The following MAML2 variants were observed in gnomAD, a reference collection of about 807,000 sequenced individuals.
MAML2 encodes the protein mastermind-like protein 2.
Under a neutral mutation model 96.1 loss-of-function variants are expected in MAML2, and 22 were observed. The observed-to-expected ratio is 0.23, with a 90% CI of 0.16 to 0.33. The LOEUF (loss-of-function observed/expected upper bound fraction) is 0.33, where lower values mean the gene tolerates loss of function less well. Among genes scored for constraint, MAML2 ranks in the 10% least tolerant of loss-of-function variants. MAML2 has a pLI of 1.00. For missense variants in MAML2, 1,367 were observed against 1,392.4 expected (o/e 0.98, Z 0.29); for synonymous variants, 561 against 521.3 (o/e 1.08, Z -1.04).
intron 2 of MAML2, among the ~76,000 whole-genome samples, chr11:96,020,609 G>C (rs114487000): frequency 2.6e-5 from 4 of 152,180 alleles, no homozygotes; most frequent in Admixed American, 6.5e-5. Context: ...CAGTGGATCC[G>C]CAGGCCACGT....
At chr11:96,139,145 T>C (rs145247983) in intron 1 of MAML2, among the ~76,000 whole-genome samples, 1 of 152,230 alleles carries the variant, frequency 6.6e-6, no homozygotes, top group Non-Finnish European at 1.5e-5. Context: ...GCTTTCCTAA[T>C]ACAACTTTGT....
intron 1 of MAML2, among the ~76,000 whole-genome samples, chr11:96,116,572 T>C (rs1591022523): frequency 1.3e-5 from 2 of 152,310 alleles, no homozygotes; most frequent in Admixed American, 1.3e-4. Flanking sequence ...ACTCAACTGC[T>C]AAGCTTTCTG....
chr11:96,025,175 A>C (rs2135740447), intron 2 of MAML2, among the ~76,000 whole-genome samples: 1 of 152,350 alleles, frequency 6.6e-6, no homozygotes, highest in Admixed American at 6.5e-5. Context: ...TGGATTGGAT[A>C]AAGAAAATGT....
intron 2 of MAML2, among the ~76,000 whole-genome samples, chr11:96,053,889 T>A (rs2135770484): frequency 6.6e-6 from 1 of 152,266 alleles, no homozygotes; most frequent in South Asian, 2.1e-4. Flanking sequence ...GTCTGCTCCT[T>A]CCCTCCTTTC....
At position 96,342,164 on chromosome 11, in the gene MAML2, G is replaced by A. The variant is rs1864006726; in HGVS notation, c.-269C>T. 3 of 486,392 alleles carry A rather than the reference G, an allele frequency of 6.2e-6. No homozygotes were observed. The allele number at this position is 486,392 out of a possible 1,614,324, so 30.1% of individuals were successfully genotyped here. ...TAACTTACTCTAATTGCATTTGACA[G>A]CTCTGGAGAAGTTGGACAGAGTTGG... On this transcript the variant is annotated 5_prime_UTR_variant, in exon 1 of 5. Coordinates refer to ENST00000524717, the MANE Select transcript of MAML2 (RefSeq NM_032427.4).
At chr11:96,277,001 G>T (rs1243608797) in intron 1 of MAML2, among the ~76,000 whole-genome samples, 2 of 152,000 alleles carry the variant, frequency 1.3e-5, no homozygotes, top group Non-Finnish European at 2.9e-5. Context: ...AGTGCGGCAG[G>T]CCTCTGTACA....
At chr11:96,252,287 A>G (rs1565263071) in intron 1 of MAML2, among the ~76,000 whole-genome samples, 1 of 152,160 alleles carries the variant, frequency 6.6e-6, no homozygotes, top group Non-Finnish European at 1.5e-5. Context: ...TTCTCTATAT[A>G]AATAACAGTG....
chr11:96,049,036 T>C (rs1457174147), intron 2 of MAML2, among the ~76,000 whole-genome samples: 1 of 152,238 alleles, frequency 6.6e-6, no homozygotes, highest in Admixed American at 6.5e-5. Flanking sequence ...AACTTTCCAC[T>C]ATAATGAACC....
intron 2 of MAML2, among the ~76,000 whole-genome samples, chr11:96,034,036 C>T (rs1048490186): frequency 1.1e-4 from 16 of 152,278 alleles, no homozygotes; most frequent in African/African-American, 3.9e-4. Context: ...CTATTGTTGG[C>T]CAATCCTCAA....
intron 1 of MAML2, among the ~76,000 whole-genome samples, chr11:96,275,080 A>C (rs1323727361): frequency 2.0e-5 from 3 of 152,084 alleles, no homozygotes; most frequent in African/African-American, 7.2e-5. Flanking sequence ...ATGTATCATA[A>C]TATATTTAAT....
chr11:96,227,799 G>A (rs909460968), intron 1 of MAML2, among the ~76,000 whole-genome samples: 2 of 152,160 alleles, frequency 1.3e-5, no homozygotes, highest in African/African-American at 4.8e-5. Flanking sequence ...TGTCGCCATC[G>A]AATGAAATCA....
chr11:96,279,444 G>T (rs1863034910), intron 1 of MAML2, among the ~76,000 whole-genome samples: 1 of 152,162 alleles, frequency 6.6e-6, no homozygotes, highest in South Asian at 2.1e-4. Context: ...CTTACATTCA[G>T]TATACAGATG....
At chr11:96,291,817 C>T (rs537329646) in intron 1 of MAML2, among the ~76,000 whole-genome samples, 11 of 152,252 alleles carry the variant, frequency 7.2e-5, no homozygotes, top group East Asian at 1.9e-4. Context: ...AGTATGTCTG[C>T]GGTTGTAGAG....
At chr11:96,145,727 T>C (rs769934474) in intron 1 of MAML2, among the ~76,000 whole-genome samples, 10 of 152,182 alleles carry the variant, frequency 6.6e-5, no homozygotes, top group Non-Finnish European at 1.0e-4. Flanking sequence ...TGTATACTTG[T>C]TCGGGCGTGG....
chr11:96,312,767 C>T (rs1260572420), intron 1 of MAML2, among the ~76,000 whole-genome samples: 8 of 152,186 alleles, frequency 5.3e-5, no homozygotes, highest in South Asian at 2.1e-4. Context: ...GCCATCACAC[C>T]GTCTATCTCC....
intron 1 of MAML2, among the ~76,000 whole-genome samples, chr11:96,157,423 G>C (rs1346204451): frequency 2.0e-5 from 3 of 152,246 alleles, no homozygotes; most frequent in Non-Finnish European, 4.4e-5. Context: ...AACAGCGAGT[G>C]CTACAGTAGG....
chr11:96,131,593 G>A (rs1860549944), intron 1 of MAML2, among the ~76,000 whole-genome samples: 1 of 152,200 alleles, frequency 6.6e-6, no homozygotes, highest in Admixed American at 6.5e-5. Flanking sequence ...GATTCAGAAA[G>A]TATATTAGTA....
At position 96,040,819 on chromosome 11, in the gene MAML2, C is replaced by T. The variant is rs536169734; in HGVS notation, c.2140-49096G>A. ...CTGTGTACTTCTCATAACTAACCAC[C>T]CTGCCTAAGATAACTATTATTCTGT... On this transcript the variant is annotated intron_variant, in intron 2 of 4. Transcript: ENST00000524717. Among the ~76,000 whole-genome samples the T allele has an allele frequency of 5.9e-5, 9 of 152,250 alleles. No individual in the cohort carries two copies. In the South Asian group the frequency reaches 1.9e-3, roughly 32 times the overall value.
At chr11:96,171,767 T>A (rs781441660) in intron 1 of MAML2, among the ~76,000 whole-genome samples, 9 of 152,178 alleles carry the variant, frequency 5.9e-5, no homozygotes, top group Middle Eastern at 3.2e-3. Flanking sequence ...ATGGGTCCAG[T>A]TAAAGGCAAC....
Sources: allele counts gnomAD v4.1 joint callset (sites outside exome capture counted in the v4.1 genomes callset), GRCh38; gene constraint gnomAD v4.1.1; transcripts MANE v1.5; gene names NCBI Gene and HGNC (gene_info 2026-07-23, HGNC 2026-07-21).